Variants in NGF observed in about 807,000 individuals in gnomAD.
NGF encodes the protein nerve growth factor, also known as beta-nerve growth factor.
Under a neutral mutation model 12.8 loss-of-function variants are expected in NGF, and 4 were observed. The ratio of observed to expected loss-of-function variants is 0.31; its 90% CI spans 0.15 to 0.72. The LOEUF (loss-of-function observed/expected upper bound fraction) is 0.72, where lower values mean the gene tolerates loss of function less well. Among genes scored for constraint, NGF ranks in the 30% least tolerant of loss-of-function variants. The pLI is 0.69. For missense variants in NGF, 283 were observed against 330.8 expected (o/e 0.86, Z 1.12); for synonymous variants, 140 against 130.0 (o/e 1.08, Z -0.52).
chr1:115,327,935 G>T (rs538735049), intron 1 of NGF, among the ~76,000 whole-genome samples: 13 of 152,216 alleles, frequency 8.5e-5, no homozygotes, highest in Non-Finnish European at 1.6e-4. Context: ...ATAAGCGGTG[G>T]AGAGAAGAGG....
At chr1:115,327,985 C>T (rs1654820685) in intron 1 of NGF, among the ~76,000 whole-genome samples, 1 of 152,204 alleles carries the variant, frequency 6.6e-6, no homozygotes, top group Non-Finnish European at 1.5e-5. Flanking sequence ...AGAAGCAGGT[C>T]TCTTTTCTCG....
intron 2 of NGF, among the ~76,000 whole-genome samples, chr1:115,290,387 T>C (rs377554994): frequency 9.4e-5 from 1 of 10,664 alleles, no homozygotes. Context: ...TTCTCTCATC[T>C]TTTTTTTTTT....
chr1:115,318,962 A>T (rs977744323), intron 1 of NGF, among the ~76,000 whole-genome samples: 2 of 152,184 alleles, frequency 1.3e-5, no homozygotes, highest in African/African-American at 4.8e-5. Flanking sequence ...CTATGGACAG[A>T]TGCTGTTGAA....
intron 1 of NGF, among the ~76,000 whole-genome samples, chr1:115,294,910 C>T (rs1244549014): frequency 6.6e-6 from 1 of 152,130 alleles, no homozygotes; most frequent in Admixed American, 6.5e-5. Context: ...CAGTGGAGGG[C>T]TTTGAACAAG....
chr1:115,287,737 C>G (rs1308446216), intron 2 of NGF, among the ~76,000 whole-genome samples: 8 of 152,162 alleles, frequency 5.3e-5, no homozygotes, highest in African/African-American at 1.9e-4. Context: ...CTCTTTCACT[C>G]TTAAGCATGT....
Position 115,286,663 on chromosome 1 carries a change from C to G in NGF, c.133G>C (p.Asp45His). ...CTGCGGGCTCTGCGAAGGGCAGTGT[C>G]AAGGGAATGCTGAAGTTTAGTCCAG... ...AHWTKLQHSL[D>H]TALRRARSAP... Residue 45 changes from aspartate (D) to histidine (H), a missense_variant, in exon 3 of 3, where the codon GAC becomes CAC. This residue lies in a region of NGF where 151 missense variants were observed against 141.6 expected (regional missense o/e 1.07). Transcript: ENST00000369512. 6.2e-7 allele frequency: 1 copy of G among 1,614,226 alleles called. No homozygotes were observed. Among genetic ancestry groups the G allele is most frequent in the Non-Finnish European group, 8.5e-7 (1 of 1,180,044 alleles).
intron 2 of NGF, among the ~76,000 whole-genome samples, chr1:115,290,021 C>T (rs1445101218): frequency 2.6e-5 from 4 of 152,144 alleles, no homozygotes; most frequent in Non-Finnish European, 5.9e-5. Flanking sequence ...TCCCTGGCCA[C>T]CCCATTTAGC....
At chr1:115,319,303 C>A (rs969170372) in intron 1 of NGF, among the ~76,000 whole-genome samples, 22 of 152,164 alleles carry the variant, frequency 1.4e-4, no homozygotes, top group African/African-American at 5.3e-4. Flanking sequence ...TCGCACCCTG[C>A]ACCACTGCAC....
At chr1:115,326,949 C>T (rs570957951) in intron 1 of NGF, among the ~76,000 whole-genome samples, 14 of 152,302 alleles carry the variant, frequency 9.2e-5, no homozygotes, top group South Asian at 4.1e-4. Flanking sequence ...AACAGAGGCT[C>T]AGAGAGGTTC....
chr1:115,315,482 C>T (rs984759406), intron 1 of NGF, among the ~76,000 whole-genome samples: 7 of 152,144 alleles, frequency 4.6e-5, no homozygotes, highest in African/African-American at 9.6e-5. Flanking sequence ...TCGAGGATGA[C>T]GCCAAGCTTT....
chr1:115,317,500 A>G (rs1026545237), intron 1 of NGF, among the ~76,000 whole-genome samples: 3 of 152,236 alleles, frequency 2.0e-5, no homozygotes, highest in African/African-American at 7.2e-5. Context: ...AATTAGAAAA[A>G]AGAAATCTAT....
At chr1:115,303,577 A>G (rs924650997) in intron 1 of NGF, among the ~76,000 whole-genome samples, 1 of 151,694 alleles carries the variant, frequency 6.6e-6, no homozygotes, top group African/African-American at 2.4e-5. Flanking sequence ...CCTCCCCAAC[A>G]CTTCCTCACC....
At chr1:115,334,429 C>G (rs1040187676) in intron 1 of NGF, among the ~76,000 whole-genome samples, 13 of 152,182 alleles carry the variant, frequency 8.5e-5, no homozygotes, top group Non-Finnish European at 1.6e-4. Context: ...GTCCCTTCAC[C>G]TTACTCTTTC....
chr1:115,286,623 G>A lies in NGF; in HGVS notation c.173C>T (p.Ala58Val), dbSNP rs201861727. Residue 58 changes from alanine (A) to valine (V), a missense_variant, in exon 3 of 3, where the codon GCG becomes GTG. Transcript: ENST00000369512. Reference protein sequence around the residue: ...LRRARSAPAAAIAARVAGQTR... With the variant: ...LRRARSAPAAVIAARVAGQTR... ...CTGCCCCGCCACGCGTGCAGCTATC[G>A]CCGCTGCCGGGGCGCTGCGGGCTCT... The A allele has an allele frequency of 5.0e-4, 808 of 1,614,214 alleles. 14 individuals are homozygous for A. In the South Asian group the frequency reaches 8.2e-3, roughly 16 times the overall value.
intron 1 of NGF, among the ~76,000 whole-genome samples, chr1:115,332,300 C>G (rs1654944649): frequency 6.6e-6 from 1 of 152,192 alleles, no homozygotes; most frequent in Non-Finnish European, 1.5e-5. Context: ...TTCTCTTACC[C>G]AGACATTACA....
intron 1 of NGF, among the ~76,000 whole-genome samples, chr1:115,323,585 A>G (rs562597380): frequency 2.0e-5 from 3 of 152,326 alleles, no homozygotes; most frequent in African/African-American, 7.2e-5. Context: ...CCATATTTCT[A>G]TGGACTGAGT....
Position 115,315,731 on chromosome 1 carries a change from G to A in NGF, c.-136-21981C>T, listed in dbSNP as rs752190953. 2.8e-4 allele frequency among the ~76,000 whole-genome samples: 42 copies of A among 152,274 alleles called. No homozygotes were observed. The Middle Eastern group carries it at 0.01, about 37-fold the overall frequency. ...GTCAAGGGCTATAAATGTACATTTG[G>A]TAAATATGTAGTAGCATTGGGACTT... On this transcript the variant is annotated intron_variant, in intron 1 of 2. Transcript: ENST00000369512.
intron 2 of NGF, among the ~76,000 whole-genome samples, chr1:115,288,752 C>T (rs780294998): frequency 2.6e-5 from 4 of 152,042 alleles, no homozygotes; most frequent in Admixed American, 6.6e-5. Flanking sequence ...GGCCAGTTGC[C>T]GTGTCTGGCA....
At chr1:115,315,819 C>T (rs1342942448) in intron 1 of NGF, among the ~76,000 whole-genome samples, 2 of 152,140 alleles carry the variant, frequency 1.3e-5, no homozygotes, top group Non-Finnish European at 2.9e-5. Flanking sequence ...CGACTTCTGA[C>T]TCTCATTGTA....
Sources: gnomAD v4.1 joint callset for allele counts (sites outside exome capture counted in the v4.1 genomes callset) on GRCh38, gnomAD v4.1.1 for gene constraint, gnomAD v4.1.1 regional missense constraint, MANE v1.5 for transcripts, NCBI Gene and HGNC (gene_info 2026-07-23, HGNC 2026-07-21) for gene names.